LARP4B: variants seen among roughly 807,000 people sequenced by gnomAD.
LARP4B encodes La ribonucleoprotein 4B.
LARP4B carries 12 observed loss-of-function variants against 89.8 expected under a neutral mutation model. The observed-to-expected ratio is 0.13, with a 90% CI of 0.09 to 0.22. The LOEUF is 0.22. Among genes scored for constraint, LARP4B ranks in the 10% least tolerant of loss-of-function variants. The probability of loss-of-function intolerance (pLI) is 1.00; values close to 1 mark genes in which losing one functional copy is unlikely to be tolerated. For missense variants in LARP4B, 757 were observed against 947.7 expected, an observed-to-expected ratio of 0.80 and a Z score of 2.64; for synonymous variants, 367 against 363.3, an observed-to-expected ratio of 1.01 and a Z score of -0.12.
chr10:869,742 G>C (rs1404882071), intron 3 of LARP4B, among the ~76,000 whole-genome samples: 1 of 151,670 alleles, frequency 6.6e-6, no homozygotes, highest in South Asian at 2.1e-4. Flanking sequence ...AAATTAGCCA[G>C]GTGTAGTGGC....
At chr10:900,488 T>G (rs1221819786) in intron 1 of LARP4B, among the ~76,000 whole-genome samples, 2 of 122,060 alleles carry the variant, frequency 1.6e-5, no homozygotes, top group Non-Finnish European at 3.3e-5. Flanking sequence ...CATGCTGGAG[T>G]GCAGTGGCCC....
the LARP4B span, among the ~76,000 whole-genome samples, chr10:970,927 T>G: frequency 1.3e-5 from 2 of 152,190 alleles, no homozygotes; most frequent in Non-Finnish European, 2.9e-5. Flanking sequence ...CTCCAAGCGG[T>G]GGCCTTGGCT....
intron 14 of LARP4B, chr10:820,469 C>G (rs117837251): frequency 2.2e-5 from 6 of 267,354 alleles, no homozygotes; most frequent in Non-Finnish European, 3.5e-5. Context: ...TCAGACTCTC[C>G]GGTACAGCTG....
intron 3 of LARP4B, among the ~76,000 whole-genome samples, chr10:878,110 G>A (rs1428164066): frequency 6.6e-6 from 1 of 152,174 alleles, no homozygotes; most frequent in Non-Finnish European, 1.5e-5. Context: ...ATGGTCAAGG[G>A]TCAAGAGCCC....
intron 8 of LARP4B, among the ~76,000 whole-genome samples, chr10:832,916 T>G (rs1832984166): frequency 6.6e-6 from 1 of 152,190 alleles, no homozygotes; most frequent in South Asian, 2.1e-4. Context: ...TTTTTCTTAT[T>G]TTTAATCTCT....
chr10:922,992 G>A (rs932494176), intron 1 of LARP4B, among the ~76,000 whole-genome samples: 1 of 151,954 alleles, frequency 6.6e-6, no homozygotes, highest in African/African-American at 2.4e-5. Context: ...GGAGAATGGC[G>A]TGAACCTGGG....
rs573770116 is a variant in LARP4B, at chr10:914,107, T to C, written c.-40+17321A>G. Among the ~76,000 whole-genome samples the C allele has an allele frequency of 1.1e-3, 167 of 152,258 alleles. 1 individual carries two copies. The highest frequency in any genetic ancestry group is 2.0e-3 in the Non-Finnish European group (133 of 68,018). On this transcript the variant is annotated intron_variant, in intron 1 of 17. Transcript: ENST00000316157. ...AAATATATTTAGGTTATAAACAAAA[T>C]ATATTTAGGTTATAAACAAAAATTG... is the stretch of plus-strand genomic sequence containing the variant.
the LARP4B span, among the ~76,000 whole-genome samples, chr10:943,983 C>T: frequency 1.3e-5 from 2 of 152,022 alleles, no homozygotes; most frequent in Admixed American, 1.3e-4. Flanking sequence ...TACGGAAGAA[C>T]ATGAATAGCA....
chr10:856,831 G>A (rs1834329651), intron 5 of LARP4B, among the ~76,000 whole-genome samples: 1 of 152,222 alleles, frequency 6.6e-6, no homozygotes, highest in African/African-American at 2.4e-5. Flanking sequence ...AGGAAAGACA[G>A]TTTAACCACA....
intron 1 of LARP4B, among the ~76,000 whole-genome samples, chr10:899,894 CT>C (rs1836287727): frequency 6.6e-6 from 1 of 151,952 alleles, no homozygotes; most frequent in Admixed American, 6.6e-5. Context: ...ATATAATCTC[CT>C]TGGGAATCAA....
rs188746529 is a variant in LARP4B, at chr10:897,052, A to T, written c.-39-11292T>A. On this transcript the variant is annotated intron_variant, in intron 1 of 17. Coordinates refer to ENST00000316157, the MANE Select transcript of LARP4B (RefSeq NM_015155.3). Reference sequence around the variant, plus strand: ...GATCCTAAAATTCCTATGGAAATGCAAGGGACCCAGAATAGCCAAAGCAAT... The same window carrying T: ...GATCCTAAAATTCCTATGGAAATGCTAGGGACCCAGAATAGCCAAAGCAAT... Among the ~76,000 whole-genome samples the T allele has an allele frequency of 2.7e-3, 408 of 150,868 alleles. 2 individuals are homozygous for T. The highest frequency in any genetic ancestry group is 9.5e-3 in the African/African-American group (389 of 40,988).
chr10:855,950 C>CA (rs1161901696), intron 5 of LARP4B, among the ~76,000 whole-genome samples: 1 of 152,220 alleles, frequency 6.6e-6, no homozygotes, highest in Non-Finnish European at 1.5e-5. Flanking sequence ...GAGAAAGGTG[C>CA]AAAGGCAACG....
intron 8 of LARP4B, among the ~76,000 whole-genome samples, chr10:831,944 A>G (rs1254825840): frequency 6.6e-6 from 1 of 152,260 alleles, no homozygotes; most frequent in Non-Finnish European, 1.5e-5. Flanking sequence ...TAGACTTAAT[A>G]CACATAACAC....
intron 5 of LARP4B, 39 bp from the exon 6 acceptor site, chr10:845,094 A>G (rs1156973029): frequency 6.8e-7 from 1 of 1,478,804 alleles, no homozygotes; most frequent in Non-Finnish European, 9.3e-7. Context: ...AAACCGGCTT[A>G]AAATTTAGGA....
upstream of LARP4B, among the ~76,000 whole-genome samples, chr10:935,269 G>A (rs1369245420): frequency 6.6e-6 from 1 of 152,172 alleles, no homozygotes; most frequent in African/African-American, 2.4e-5. Context: ...GAAATGGAGA[G>A]GTGCCCCAGC....
chr10:968,061 G>A, the LARP4B span, among the ~76,000 whole-genome samples: 2 of 152,170 alleles, frequency 1.3e-5, no homozygotes, highest in Non-Finnish European at 2.9e-5. Flanking sequence ...TCATATGTGT[G>A]GTTCTGGCTC....
intron 7 of LARP4B, among the ~76,000 whole-genome samples, chr10:837,967 G>C (rs993472411): frequency 2.7e-4 from 41 of 151,510 alleles, no homozygotes; most frequent in Admixed American, 7.9e-4. Context: ...TACACTTAGA[G>C]AGCATATTTG....
intron 1 of LARP4B, among the ~76,000 whole-genome samples, chr10:922,715 A>ATAAATAAC (rs1270429612): frequency 3.5e-4 from 51 of 144,728 alleles, no homozygotes; most frequent in East Asian, 1.6e-3. Flanking sequence ...AAATAAATAA[A>ATAAATAAC]TAACAAGTAT....
chr10:985,068 G>C, the LARP4B span, among the ~76,000 whole-genome samples: 1 of 152,204 alleles, frequency 6.6e-6, no homozygotes, highest in Admixed American at 6.5e-5. Flanking sequence ...ACCTCATTGT[G>C]TCTCTCCAGC....
Sources: gnomAD v4.1 joint callset for allele counts (sites outside exome capture counted in the v4.1 genomes callset) on GRCh38, gnomAD v4.1.1 for gene constraint, MANE v1.5 for transcripts, NCBI Gene and HGNC (gene_info 2026-07-23, HGNC 2026-07-21) for gene names.